SEC22C: variants seen among roughly 807,000 people sequenced by gnomAD.
SEC22C encodes SEC22 homolog C, vesicle trafficking protein.
In SEC22C, 29 loss-of-function variants were observed where a neutral mutation model predicts 34.7. The ratio of observed to expected loss-of-function variants is 0.84; its 90% CI spans 0.62 to 1.14. The LOEUF (loss-of-function observed/expected upper bound fraction) is 1.14. Ranked by LOEUF, SEC22C falls within the 50% of genes most tolerant of loss-of-function variation. SEC22C has a pLI of 0.00. For synonymous variants in SEC22C, 117 were observed against 132.8 expected, an observed-to-expected ratio of 0.88 and a Z score of 0.82; for missense variants, 337 against 369.0, an observed-to-expected ratio of 0.91 and a Z score of 0.71.
intron 1 of SEC22C, among the ~76,000 whole-genome samples, chr3:42,595,501 C>T (rs1218153204): frequency 6.6e-6 from 1 of 152,188 alleles, no homozygotes; most frequent in Non-Finnish European, 1.5e-5. Flanking sequence ...TTTTGCATCA[C>T]ATAAGGAGTG....
At chr3:42,592,157 C>G (rs1704872849) in intron 1 of SEC22C, among the ~76,000 whole-genome samples, 3 of 152,038 alleles carry the variant, frequency 2.0e-5, no homozygotes, top group African/African-American at 7.2e-5. Context: ...GAGTCTGAGT[C>G]TCTTTTCCGA....
chr3:42,548,558 T>A lies in SEC22C; in HGVS notation c.*4690A>T. 1 of 1,594,462 alleles carries A rather than the reference T, an allele frequency of 6.3e-7. No homozygotes were observed. The highest frequency in any genetic ancestry group is 8.6e-7 in the Non-Finnish European group (1 of 1,163,592). ...TTTCCCCAGCAGCAGAAGTTTGACA[T>A]CACTGCTCCCGGATGGGAGAATCAG... On this transcript the variant is annotated 3_prime_UTR_variant, in exon 7 of 7. Coordinates refer to ENST00000264454, the MANE Select transcript of SEC22C (RefSeq NM_032970.4).
At chr3:42,600,758 C>T (rs1316689067) in intron 1 of SEC22C, 4 of 352,532 alleles carry the variant, frequency 1.1e-5, no homozygotes. Context: ...CGGGGACCCG[C>T]TCAGGCTGGA....
chr3:42,592,714 A>G (rs1338815821), intron 1 of SEC22C, among the ~76,000 whole-genome samples: 2 of 152,184 alleles, frequency 1.3e-5, no homozygotes, highest in African/African-American at 2.4e-5. Context: ...TCCTTTTTCT[A>G]TATGAAAAAT....
In SEC22C at chr3:42,576,071, C is replaced by T. The variant is rs375347180; in HGVS notation, c.-28+5775G>A. On this transcript the variant is annotated intron_variant, in intron 1 of 6. Coordinates refer to ENST00000264454, the MANE Select transcript of SEC22C (RefSeq NM_032970.4). ...AATAACAGAAAGGTAAAGAAAACCT[C>T]CAAACACTTGAAAATTAAACACACA... 1.2e-3 allele frequency among the ~76,000 whole-genome samples: 187 copies of T among 151,968 alleles called. 12 individuals carry two copies. In the South Asian group the frequency reaches 0.039, roughly 31 times the overall value.
intron 6 of SEC22C, 135 bp downstream of exon 6, chr3:42,555,795 G>A: frequency 1.4e-6 from 1 of 724,458 alleles, no homozygotes; most frequent in East Asian, 2.7e-5. Context: ...TCCACTAAGG[G>A]CTTGGTATTG....
Position 42,549,059 on chromosome 3 carries a change from A to C in SEC22C, c.*4189T>G. 1 of 993,716 alleles carries C rather than the reference A, an allele frequency of 1.0e-6. No individual in the cohort carries two copies. Among genetic ancestry groups the C allele is most frequent in the Non-Finnish European group, 1.2e-6 (1 of 830,116 alleles). The allele number at this position is 993,716 out of a possible 1,614,324, so 61.6% of individuals were successfully genotyped here. A position where few individuals can be genotyped will look rare whatever the true frequency, so the allele number is the denominator to read the frequency against. On this transcript the variant is annotated 3_prime_UTR_variant, in exon 7 of 7. Transcript: ENST00000264454. ...ATAGGACTCAGTGAAGAGCCTAGCC[A>C]GCTGACGGTCAGCTGACTGGTGCAC...
chr3:42,552,829 A>G lies in SEC22C; in HGVS notation c.*419T>C. Reference sequence around the variant, plus strand: ...TCTGAAAAAAAAAACTAATCAAGTTATGTTTAGACTGAAAGCTGATTTGGA... The same window carrying G: ...TCTGAAAAAAAAAACTAATCAAGTTGTGTTTAGACTGAAAGCTGATTTGGA... On this transcript the variant is annotated 3_prime_UTR_variant, in exon 7 of 7. Transcript: ENST00000264454. 3 of 1,015,920 alleles carry G rather than the reference A, an allele frequency of 3.0e-6. No individual in the cohort carries two copies. The highest frequency in any genetic ancestry group is 3.5e-6 in the Non-Finnish European group (3 of 849,718). The allele number at this position is 1,015,920 out of a possible 1,614,324, so 62.9% of individuals were successfully genotyped here. A position where few individuals can be genotyped will look rare whatever the true frequency, so the allele number is the denominator to read the frequency against.
At position 42,568,904 on chromosome 3, in the gene SEC22C, G is replaced by A; in HGVS notation, c.143C>T (p.Pro48Leu). 2 of 1,614,154 alleles carry A rather than the reference G, an allele frequency of 1.2e-6. No homozygotes were observed. The highest frequency in any genetic ancestry group is 1.7e-6 in the Non-Finnish European group (2 of 1,180,020). ...ACAACCTTCTGCAGAACCTCGACCT[G>A]GATACTGGGCCAGTCGCAAGGCTAA... ...KSLALRLAQYPGRGSAEGCDF... is the reference protein window; with the variant it reads ...KSLALRLAQYLGRGSAEGCDF... Residue 48 changes from proline (P) to leucine (L), a missense_variant, in exon 2 of 7, where the codon CCA becomes CTA. Pro to Leu is a moderately conservative substitution (Grantham distance 98). Coordinates refer to ENST00000264454, the MANE Select transcript of SEC22C (RefSeq NM_032970.4).
At chr3:42,580,822 C>G (rs1212735472) in intron 1 of SEC22C, among the ~76,000 whole-genome samples, 1 of 152,176 alleles carries the variant, frequency 6.6e-6, no homozygotes. Flanking sequence ...ATTTCTTCTC[C>G]TTAGAGCACT....
Position 42,550,848 on chromosome 3 carries a change from T to C in SEC22C, c.*2400A>G. 1 of 984,282 alleles carries C rather than the reference T, an allele frequency of 1.0e-6. No homozygotes were observed. The highest frequency in any genetic ancestry group is 1.2e-6 in the Non-Finnish European group (1 of 829,854). 61.0% of individuals were successfully genotyped at this position (984,282 alleles called of 1,614,324 possible). A position where few individuals can be genotyped will look rare whatever the true frequency, so the allele number is the denominator to read the frequency against. ...CACATAGGAAAAGAAAACAGTCCAT[T>C]TTTAAGCCGTTCTTACCGACTTTTT... On this transcript the variant is annotated 3_prime_UTR_variant, in exon 7 of 7. Coordinates refer to ENST00000264454, the MANE Select transcript of SEC22C (RefSeq NM_032970.4).
chr3:42,559,193 T>C (rs1208897970), intron 4 of SEC22C, among the ~76,000 whole-genome samples: 1 of 152,196 alleles, frequency 6.6e-6, no homozygotes, highest in Non-Finnish European at 1.5e-5. Flanking sequence ...CACACACAAA[T>C]ACCTCGCCAC....
chr3:42,587,784 G>A (rs1043474373), intron 1 of SEC22C, among the ~76,000 whole-genome samples: 3 of 151,280 alleles, frequency 2.0e-5, no homozygotes, highest in South Asian at 4.2e-4. Flanking sequence ...CAAAACCTTC[G>A]CTTTAGGCCA....
chr3:42,562,082 C>A (rs1702954063), intron 3 of SEC22C, among the ~76,000 whole-genome samples: 1 of 152,024 alleles, frequency 6.6e-6, no homozygotes, highest in Non-Finnish European at 1.5e-5. Flanking sequence ...CATTTTAATT[C>A]TTAAATTTAT....
chr3:42,557,430 T>C lies in SEC22C; in HGVS notation c.645+148A>G. The C allele has an allele frequency of 6.8e-6, 3 of 443,882 alleles. No individual in the cohort carries two copies. The South Asian group carries it at 1.6e-4, about 24-fold the overall frequency. 27.5% of individuals were successfully genotyped at this position (443,882 alleles called of 1,614,324 possible). A position where few individuals can be genotyped will look rare whatever the true frequency, so the allele number is the denominator to read the frequency against. ...AGAGCAACCTTCATATTCATTCACT[T>C]ACTACAAAGAATAAAATTTATAATA... On this transcript the variant is annotated intron_variant, in intron 5 of 6. Transcript: ENST00000264454.
chr3:42,557,945 T>G (rs1236074645), intron 4 of SEC22C, among the ~76,000 whole-genome samples: 2 of 152,144 alleles, frequency 1.3e-5, no homozygotes, highest in Non-Finnish European at 2.9e-5. Flanking sequence ...AAGCACAGGT[T>G]TTTCAAGTGC....
At chr3:42,597,686 CAT>C (rs1213372821) in intron 1 of SEC22C, among the ~76,000 whole-genome samples, 2 of 152,152 alleles carry the variant, frequency 1.3e-5, no homozygotes, top group Admixed American at 6.5e-5. Context: ...AACACAAACT[CAT>C]AAACTTTCAA....
At chr3:42,581,129 G>A (rs929511562) in intron 1 of SEC22C, among the ~76,000 whole-genome samples, 3 of 152,300 alleles carry the variant, frequency 2.0e-5, no homozygotes, top group South Asian at 2.1e-4. Context: ...ACCATTTCCA[G>A]TTGCTTCCAT....
At chr3:42,599,028 C>A (rs1705147466) in intron 1 of SEC22C, among the ~76,000 whole-genome samples, 1 of 151,558 alleles carries the variant, frequency 6.6e-6, no homozygotes. Flanking sequence ...TGCAGTGGAC[C>A]GATCTCGGCT....
Sources: gnomAD v4.1 joint callset for allele counts (sites outside exome capture counted in the v4.1 genomes callset) on GRCh38, gnomAD v4.1.1 for gene constraint, MANE v1.5 for transcripts, NCBI Gene and HGNC (gene_info 2026-07-23, HGNC 2026-07-21) for gene names.